IGF2: variants seen among roughly 807,000 people sequenced by gnomAD.
IGF2 encodes insulin like growth factor 2.
A neutral mutation model predicts 12.0 loss-of-function variants in IGF2; 2 were observed. The observed-to-expected ratio is 0.17, with a 90% CI of 0.07 to 0.52. IGF2 has a LOEUF of 0.52. Ranked by LOEUF, IGF2 falls within the 20% of genes least tolerant of loss-of-function variation. The pLI is 0.95. For missense variants in IGF2, 211 were observed against 268.0 expected (o/e 0.79, Z 1.48); for synonymous variants, 105 against 110.1 (o/e 0.95, Z 0.29).
At chr11:2,140,751 C>A, upstream of IGF2, 1 of 336,206 alleles carries the variant, frequency 3.0e-6, no homozygotes, top group Non-Finnish European at 5.6e-6. Flanking sequence ...GCCTCCCCGG[C>A]GGCAGCCGGA....
the IGF2 span, chr11:2,146,436 C>T: frequency 1.9e-6 from 1 of 532,422 alleles, no homozygotes; most frequent in Admixed American, 1.9e-5. Flanking sequence ...GCCCGGCCGG[C>T]CTGGGAAGTA....
In IGF2 at chr11:2,130,728, T is replaced by A. The variant is rs2133571166; in HGVS notation, c.*2259A>T. 5.1e-6 allele frequency: 1 copy of A among 196,224 alleles called. No homozygotes were observed. Among genetic ancestry groups the A allele is most frequent in the South Asian group, 1.9e-4 (1 of 5,144 alleles). The allele number at this position is 196,224 out of a possible 1,614,324, so 12.2% of individuals were successfully genotyped here. On this transcript the variant is annotated 3_prime_UTR_variant, in exon 4 of 4. Coordinates refer to ENST00000416167, the MANE Select transcript of IGF2 (RefSeq NM_000612.6). ...ATCCTCCTGACTTTTCCATCCAAAA[T>A]CTCCCGGGACCACTTCCTACCCCAG...
chr11:2,146,236 C>T (rs779236163), upstream of IGF2: 1 of 530,888 alleles, frequency 1.9e-6, no homozygotes, highest in Non-Finnish European at 3.8e-6. Flanking sequence ...ATTCCCATTT[C>T]CTCCCCAGCT....
At chr11:2,140,401 G>A, upstream of IGF2, 1 of 1,141,690 alleles carries the variant, frequency 8.8e-7, no homozygotes, top group Non-Finnish European at 1.2e-6. Context: ...CCTAAGCCTA[G>A]CCAAGGGGAA....
chr11:2,147,691 G>A, the IGF2 span: 1 of 1,250,444 alleles, frequency 8.0e-7, no homozygotes, highest in East Asian at 3.1e-5. The surrounding 1 kb of genome is among the most constrained non-coding windows in gnomAD (Gnocchi z 7.2). Flanking sequence ...GGCCTGCTGG[G>A]GCTCAGGCTG....
the IGF2 span, chr11:2,147,512 C>A: frequency 1.3e-6 from 1 of 778,732 alleles, no homozygotes; most frequent in Non-Finnish European, 1.7e-6. This position sits in a 1 kb window ranked among gnomAD's most constrained non-coding sequence, Gnocchi z 7.2. Context: ...CGAAGACTCC[C>A]GCGCAGAGCC....
chr11:2,147,786 C>G, the IGF2 span: 1 of 1,248,402 alleles, frequency 8.0e-7, no homozygotes, highest in Non-Finnish European at 1.0e-6. This position sits in a 1 kb window ranked among gnomAD's most constrained non-coding sequence, Gnocchi z 7.2. Flanking sequence ...CCCACACAAG[C>G]TCGGTGGTGA....
chr11:2,146,237 C>T (rs748664456), upstream of IGF2: 1 of 530,992 alleles, frequency 1.9e-6, no homozygotes, highest in South Asian at 1.4e-5. Flanking sequence ...TTCCCATTTC[C>T]TCCCCAGCTC....
Position 2,130,048 on chromosome 11 carries a change from A to C in IGF2, c.*2939T>G. ...ACAGAGCTTCGGACCTCCTGGAGAC[A>C]AGGCAGGGTGCTGAGGGGCGGGCAA... On this transcript the variant is annotated 3_prime_UTR_variant, in exon 4 of 4. Transcript: ENST00000416167. 1 of 229,784 alleles carries C rather than the reference A, an allele frequency of 4.4e-6. No individual in the cohort carries two copies. The highest frequency in any genetic ancestry group is 8.6e-6 in the Non-Finnish European group (1 of 115,918). 14.2% of individuals were successfully genotyped at this position (229,784 alleles called of 1,614,324 possible).
upstream of IGF2, chr11:2,140,088 C>A (rs556014572): frequency 8.2e-6 from 13 of 1,588,484 alleles, no homozygotes; most frequent in East Asian, 2.5e-4. Context: ...AGGCTCCGGC[C>A]GCCAGAGGAG....
chr11:2,137,221 GGAGGAGGAGGAA>G, intron 1 of IGF2: 1 of 995,558 alleles, frequency 1.0e-6, no homozygotes, highest in South Asian at 4.5e-5. Flanking sequence ...TGGGGCAGGA[GGAGGAGGAGGAA>G]GAGGAGGAGG....
chr11:2,141,164 C>T (rs1255756644), upstream of IGF2: 2 of 176,680 alleles, frequency 1.1e-5, no homozygotes, highest in South Asian at 1.0e-4. Context: ...ATCCGAGTTG[C>T]TCTGGGGACT....
the IGF2 span, chr11:2,148,810 G>T: frequency 2.8e-6 from 1 of 361,728 alleles, no homozygotes. The surrounding 1 kb of genome is among the most constrained non-coding windows in gnomAD (Gnocchi z 4.3). Context: ...TGGGAAGAGC[G>T]GCCTAGCCCT....
rs541583744 is a variant in IGF2, at chr11:2,133,722, C to A, written c.158-57G>T. ...TTAGCACCGCACTGACCCCAGCCCC[C>A]GGAGGCTGAAGGGGGAGCAAACCAC... On this transcript the variant is annotated intron_variant, in intron 2 of 3. Transcript: ENST00000416167. This position sits in a 1 kb window ranked among gnomAD's most constrained non-coding sequence, Gnocchi z 8.9. 1.3e-6 allele frequency: 2 copies of A among 1,595,388 alleles called. No individual in the cohort carries two copies. The highest frequency in any genetic ancestry group is 1.1e-5 in the South Asian group (1 of 88,728).
rs374362537 is a variant in IGF2 at position 2,135,500 on chromosome 11, C to T, written c.24G>A (p.Ser8=). The change falls in exon 2 of 4, where the codon TCG becomes TCA. Residue 8 remains serine, a synonymous_variant. Coordinates refer to ENST00000416167, the MANE Select transcript of IGF2 (RefSeq NM_000612.6). Reference sequence around the variant, plus strand: ...CCAAGAAGGTGAGAAGCACCAGCATCGACTTCCCCATTGGGATTCCCATTG... The same window carrying T: ...CCAAGAAGGTGAGAAGCACCAGCATTGACTTCCCCATTGGGATTCCCATTG... MGIPMGK[S]MLVLLTFLAF... 11 of 1,613,422 alleles carry T rather than the reference C, an allele frequency of 6.8e-6. No homozygotes were observed. The highest frequency in any genetic ancestry group is 4.0e-5 in the African/African-American group (3 of 74,936).
upstream of IGF2, among the ~76,000 whole-genome samples, chr11:2,142,553 T>C (rs1030017738): frequency 6.6e-6 from 1 of 152,184 alleles, no homozygotes; most frequent in Non-Finnish European, 1.5e-5. The surrounding 1 kb of genome is among the most constrained non-coding windows in gnomAD (Gnocchi z 5.7). Context: ...CAATGCTGAA[T>C]GTTCCTAGAG....
In IGF2 at chr11:2,129,907, G is replaced by A. The variant is rs981565366; in HGVS notation, c.*3080C>T. The A allele has an allele frequency of 1.3e-5, 3 of 231,596 alleles. No individual in the cohort carries two copies. Among genetic ancestry groups the A allele is most frequent in the South Asian group, 1.8e-4 (1 of 5,526 alleles). 14.3% of individuals were successfully genotyped at this position (231,596 alleles called of 1,614,324 possible). On this transcript the variant is annotated 3_prime_UTR_variant, in exon 4 of 4. Transcript: ENST00000416167. The surrounding 1 kb of genome is among the most constrained non-coding windows in gnomAD (Gnocchi z 8.1). ...TGGCATCACCAGACCCGTGGGCTCC[G>A]GGGCCCAAGCAACCTGGTCGATGGG...
Position 2,130,536 on chromosome 11 carries a change from G to T in IGF2, c.*2451C>A, listed in dbSNP as rs1190734669. 1.4e-5 allele frequency: 3 copies of T among 218,180 alleles called. No homozygotes were observed. The highest frequency in any genetic ancestry group is 7.1e-5 in the African/African-American group (3 of 42,442). 13.5% of individuals were successfully genotyped at this position (218,180 alleles called of 1,614,324 possible). On this transcript the variant is annotated 3_prime_UTR_variant, in exon 4 of 4. Coordinates refer to ENST00000416167, the MANE Select transcript of IGF2 (RefSeq NM_000612.6). ...ACTGCCCCCCTGTTACATGGGGGGG[G>T]GGTTTAATTTGGTTTCTGAGCGCAT...
chr11:2,145,657 T>C (rs1184674090), upstream of IGF2, among the ~76,000 whole-genome samples: 1 of 152,050 alleles, frequency 6.6e-6, no homozygotes, highest in Non-Finnish European at 1.5e-5. Flanking sequence ...AGGCTGAGGG[T>C]CACCTTGGGG....
Sources: allele counts gnomAD v4.1 joint callset (sites outside exome capture counted in the v4.1 genomes callset), GRCh38; gene constraint gnomAD v4.1.1; non-coding constraint Gnocchi (gnomAD v3.1); transcripts MANE v1.5; gene names NCBI Gene and HGNC (gene_info 2026-07-23, HGNC 2026-07-21).